The following EXOC6 variants were observed in gnomAD, a reference collection of about 807,000 sequenced individuals.
The protein encoded by EXOC6 is SEC15-like 1.
Under a neutral mutation model 112.5 loss-of-function variants are expected in EXOC6, and 60 were observed. The observed-to-expected ratio is 0.53, with a 90% CI of 0.43 to 0.66. The LOEUF (loss-of-function observed/expected upper bound fraction) is 0.66. Among genes scored for constraint, EXOC6 ranks in the 30% least tolerant of loss-of-function variants. EXOC6 has a pLI of 0.00. For synonymous variants in EXOC6, 295 were observed against 308.0 expected (o/e 0.96, Z 0.44); for missense variants, 855 against 957.1 (o/e 0.89, Z 1.41).
At chr10:92,840,889 C>T (rs989185701) in intron 1 of EXOC6, among the ~76,000 whole-genome samples, 1 of 152,068 alleles carries the variant, frequency 6.6e-6, no homozygotes, top group Non-Finnish European at 1.5e-5. Context: ...AACTTCTGAA[C>T]TCCAGAAATC....
chr10:92,859,604 G>A (rs2133671839), intron 1 of EXOC6, among the ~76,000 whole-genome samples: 1 of 152,298 alleles, frequency 6.6e-6, no homozygotes, highest in African/African-American at 2.4e-5. Flanking sequence ...AACCATAGGA[G>A]TAAGGAAAAT....
intron 17 of EXOC6, among the ~76,000 whole-genome samples, chr10:92,956,850 T>C (rs1435420699): frequency 6.6e-6 from 1 of 152,120 alleles, no homozygotes; most frequent in African/African-American, 2.4e-5. Context: ...ATTCCAGGTT[T>C]CTTTATCTAT....
chr10:92,996,296 A>G (rs866745868), intron 18 of EXOC6, among the ~76,000 whole-genome samples: 9 of 152,210 alleles, frequency 5.9e-5, no homozygotes, highest in Non-Finnish European at 1.3e-4. Flanking sequence ...ATTATGCAGG[A>G]GAACTTTACC....
intron 1 of EXOC6, among the ~76,000 whole-genome samples, chr10:92,838,460 CT>C (rs1471417081): frequency 1.3e-5 from 2 of 152,082 alleles, no homozygotes; most frequent in African/African-American, 4.8e-5. Flanking sequence ...ATTCTGAGGT[CT>C]TGCATTTGTT....
chr10:92,964,771 C>A (rs940361567), intron 17 of EXOC6, among the ~76,000 whole-genome samples: 1 of 152,154 alleles, frequency 6.6e-6, no homozygotes, highest in Admixed American at 6.5e-5. Context: ...CACTGCTGCT[C>A]AGTAGATGTC....
chr10:92,918,357 A>T (rs77372495), intron 7 of EXOC6, among the ~76,000 whole-genome samples: 9 of 151,586 alleles, frequency 5.9e-5, no homozygotes, highest in Non-Finnish European at 1.0e-4. Flanking sequence ...CCATACGACT[A>T]TGTGCTCATG....
chr10:92,921,098 G>T (rs1395850320), intron 8 of EXOC6, among the ~76,000 whole-genome samples: 2 of 152,060 alleles, frequency 1.3e-5, no homozygotes, highest in Non-Finnish European at 2.9e-5. Context: ...GTAATTACTG[G>T]TAAGGTAGGA....
At chr10:92,827,821 GC>G (rs1846411233) in intron 1 of EXOC6, among the ~76,000 whole-genome samples, 1 of 152,012 alleles carries the variant, frequency 6.6e-6, no homozygotes, top group Non-Finnish European at 1.5e-5. Flanking sequence ...CATCTTACAG[GC>G]CCCCAATTCA....
chr10:92,838,307 C>T (rs982886957), intron 1 of EXOC6, among the ~76,000 whole-genome samples: 3 of 152,196 alleles, frequency 2.0e-5, no homozygotes, highest in Non-Finnish European at 4.4e-5. Context: ...CTGTGTTCTT[C>T]CCACCTCCTG....
chr10:92,952,850 T>A (rs888236179), intron 15 of EXOC6, among the ~76,000 whole-genome samples: 2 of 152,168 alleles, frequency 1.3e-5, no homozygotes, highest in East Asian at 1.9e-4. Context: ...AATCCAACAT[T>A]GCTATCAATG....
chr10:93,046,620 C>T (rs1450910802), intron 20 of EXOC6, among the ~76,000 whole-genome samples: 1 of 150,400 alleles, frequency 6.6e-6, no homozygotes, highest in Non-Finnish European at 1.5e-5. Flanking sequence ...TTTATGAGAC[C>T]GAGTTTTGTT....
At chr10:92,979,896 C>CAAAAA (rs5787028) in intron 18 of EXOC6, among the ~76,000 whole-genome samples, 3 of 84,414 alleles carry the variant, frequency 3.6e-5, no homozygotes, top group Non-Finnish European at 4.8e-5. Flanking sequence ...GACACTGTCT[C>CAAAAA]AAAAAAAAAA....
At chr10:92,891,533 G>T (rs539887523) in intron 1 of EXOC6, among the ~76,000 whole-genome samples, 2 of 152,122 alleles carry the variant, frequency 1.3e-5, no homozygotes, top group African/African-American at 4.8e-5. Flanking sequence ...CCAGGCTGGG[G>T]TGCAGTAGTA....
chr10:93,015,615 C>T (rs1482354193), intron 20 of EXOC6, among the ~76,000 whole-genome samples: 2 of 152,168 alleles, frequency 1.3e-5, no homozygotes, highest in Admixed American at 6.5e-5. Flanking sequence ...TGCCTGTAGT[C>T]CCAGCTACTG....
chr10:92,856,895 T>A (rs980826473), intron 1 of EXOC6, among the ~76,000 whole-genome samples: 7 of 152,208 alleles, frequency 4.6e-5, no homozygotes, highest in Admixed American at 6.5e-5. Flanking sequence ...ATTTCTAGAC[T>A]TGTTTTAAAG....
intron 20 of EXOC6, among the ~76,000 whole-genome samples, chr10:93,048,443 A>C (rs1293342265): frequency 1.3e-5 from 2 of 151,986 alleles, no homozygotes; most frequent in East Asian, 3.9e-4. Flanking sequence ...TCACGCCTGT[A>C]ATCCCAGCAC....
intron 20 of EXOC6, among the ~76,000 whole-genome samples, chr10:93,055,544 C>A (rs1175529991): frequency 6.6e-6 from 1 of 152,194 alleles, no homozygotes; most frequent in African/African-American, 2.4e-5. Context: ...CTCTTACCAT[C>A]TGAGTGTATG....
intron 16 of EXOC6, 48 bp downstream of exon 16, chr10:92,954,789 A>G (rs768478649): frequency 2.7e-5 from 21 of 771,950 alleles, no homozygotes; most frequent in South Asian, 2.1e-4. Flanking sequence ...GTATGAAACA[A>G]TTATTTTAAA....
chr10:93,026,841 A>G (rs549010619), intron 20 of EXOC6, among the ~76,000 whole-genome samples: 1 of 152,260 alleles, frequency 6.6e-6, no homozygotes, highest in Admixed American at 6.5e-5. Context: ...CCTAAGAGGT[A>G]ACAATATTGA....
Sources: allele counts gnomAD v4.1 joint callset (sites outside exome capture counted in the v4.1 genomes callset), GRCh38; gene constraint gnomAD v4.1.1; transcripts MANE v1.5; gene names NCBI Gene and HGNC (gene_info 2026-07-23, HGNC 2026-07-21).